The following CDH8 variants were observed in gnomAD, a reference collection of about 807,000 sequenced individuals.
The protein encoded by CDH8 is cadherin-8.
Under a neutral mutation model 68.1 loss-of-function variants are expected in CDH8, and 17 were observed. The observed-to-expected ratio is 0.25, with a 90% CI of 0.17 to 0.37. The LOEUF is 0.37. Among genes scored for constraint, CDH8 ranks in the 10% least tolerant of loss-of-function variants. The pLI, the probability that CDH8 is intolerant of heterozygous loss-of-function variation, is 1.00. For synonymous variants in CDH8, 372 were observed against 365.1 expected (o/e 1.02, Z -0.21); for missense variants, 763 against 999.3 (o/e 0.76, Z 3.19).
At chr16:61,882,304 C>T (rs1429540099) in intron 3 of CDH8, among the ~76,000 whole-genome samples, 1 of 152,136 alleles carries the variant, frequency 6.6e-6, no homozygotes, top group Non-Finnish European at 1.5e-5. Flanking sequence ...CCTGCTTGCT[C>T]GTTTGAATAT....
chr16:61,808,326 T>C (rs781329305), intron 7 of CDH8, among the ~76,000 whole-genome samples: 3 of 151,614 alleles, frequency 2.0e-5, no homozygotes, highest in South Asian at 2.1e-4. Flanking sequence ...ATCACTGAGA[T>C]CAGAAGAAGA....
chr16:61,836,127 A>G (rs1428631934), intron 4 of CDH8, among the ~76,000 whole-genome samples: 1 of 151,914 alleles, frequency 6.6e-6, no homozygotes, highest in Non-Finnish European at 1.5e-5. Context: ...TCGTGCTTCA[A>G]AGGCCTAGAT....
intron 7 of CDH8, among the ~76,000 whole-genome samples, chr16:61,814,492 A>G (rs533369892): frequency 2.3e-4 from 35 of 152,334 alleles, no homozygotes; most frequent in African/African-American, 8.4e-4. Flanking sequence ...TAGCTTGACA[A>G]TGTGCTCTAA....
intron 10 of CDH8, among the ~76,000 whole-genome samples, chr16:61,699,455 A>G (rs1232828707): frequency 2.0e-5 from 3 of 152,238 alleles, no homozygotes; most frequent in Non-Finnish European, 2.9e-5. Context: ...AATATAATCC[A>G]AATGATGGCT....
At chr16:61,854,497 A>C (rs1043369405) in intron 4 of CDH8, among the ~76,000 whole-genome samples, 1 of 152,080 alleles carries the variant, frequency 6.6e-6, no homozygotes, top group African/African-American at 2.4e-5. Context: ...GCATTTGATA[A>C]GAGGAACTTC....
intron 7 of CDH8, among the ~76,000 whole-genome samples, chr16:61,794,040 C>G (rs1295542912): frequency 6.6e-6 from 1 of 151,944 alleles, no homozygotes; most frequent in African/African-American, 2.4e-5. Flanking sequence ...TATTAAAATG[C>G]AATATCTAAG....
At chr16:61,720,415 A>G (rs78732471) in intron 9 of CDH8, among the ~76,000 whole-genome samples, 4,827 of 151,072 alleles carry the variant, frequency 0.032, 354 homozygotes, top group East Asian at 0.24. Flanking sequence ...CTTATCCAGT[A>G]TTCTGTAGGT....
At chr16:61,863,231 C>T (rs752024551) in intron 3 of CDH8, among the ~76,000 whole-genome samples, 6 of 152,036 alleles carry the variant, frequency 3.9e-5, no homozygotes, top group Non-Finnish European at 8.8e-5. Flanking sequence ...ATGTGCTGCT[C>T]GGATTTTAAT....
intron 2 of CDH8, among the ~76,000 whole-genome samples, chr16:62,018,394 A>G (rs1901993369): frequency 2.0e-5 from 3 of 152,184 alleles, no homozygotes; most frequent in Non-Finnish European, 2.9e-5. Context: ...AGGTGTGCTC[A>G]TAAGTAAGTA....
chr16:61,826,000 T>A (rs1425271171), intron 4 of CDH8, among the ~76,000 whole-genome samples: 1 of 151,894 alleles, frequency 6.6e-6, no homozygotes, highest in East Asian at 1.9e-4. Flanking sequence ...CTGAAGTTTA[T>A]TTTGAAAATC....
intron 2 of CDH8, among the ~76,000 whole-genome samples, chr16:61,924,777 C>T (rs566434255): frequency 6.6e-5 from 10 of 151,980 alleles, no homozygotes; most frequent in African/African-American, 2.4e-4. Context: ...CTATTTTTGG[C>T]CTCTCCTCCT....
intron 8 of CDH8, among the ~76,000 whole-genome samples, chr16:61,765,226 T>C (rs1447000933): frequency 6.6e-6 from 1 of 152,012 alleles, no homozygotes; most frequent in African/African-American, 2.4e-5. Context: ...ATCTCAAACT[T>C]ATCTGAGAAA....
At chr16:61,693,524 C>A (rs938078116) in intron 10 of CDH8, 2 of 151,988 alleles carry the variant, frequency 1.3e-5, no homozygotes, top group African/African-American at 4.8e-5. Context: ...AAGGGTAAAC[C>A]ATTTAAGATG....
intron 2 of CDH8, among the ~76,000 whole-genome samples, chr16:62,018,838 A>G (rs1465926208): frequency 6.6e-6 from 1 of 152,188 alleles, no homozygotes; most frequent in Non-Finnish European, 1.5e-5. Context: ...TCATTCAGAG[A>G]AGCATGAACG....
intron 2 of CDH8, among the ~76,000 whole-genome samples, chr16:62,008,397 G>A (rs1298485507): frequency 6.6e-6 from 1 of 152,144 alleles, no homozygotes; most frequent in Non-Finnish European, 1.5e-5. Context: ...TGGGGAGCTG[G>A]GAGAGTCTCC....
At chr16:61,903,412 C>G (rs1964012231) in intron 2 of CDH8, among the ~76,000 whole-genome samples, 1 of 152,212 alleles carries the variant, frequency 6.6e-6, no homozygotes, top group Non-Finnish European at 1.5e-5. Flanking sequence ...CAAGCTCCGC[C>G]TGCCGGGTTG....
chr16:61,830,541 G>A (rs182973680), intron 4 of CDH8, among the ~76,000 whole-genome samples: 10 of 151,822 alleles, frequency 6.6e-5, no homozygotes, highest in African/African-American at 1.9e-4. Context: ...ATGGTGCTAC[G>A]TTAAATAACA....
intron 2 of CDH8, among the ~76,000 whole-genome samples, chr16:61,916,106 T>C (rs1964234143): frequency 6.6e-6 from 1 of 152,242 alleles, no homozygotes; most frequent in South Asian, 2.1e-4. Context: ...ATTCTGAATA[T>C]AGGAAAAAGC....
At chr16:61,796,591 C>A (rs958721554) in intron 7 of CDH8, among the ~76,000 whole-genome samples, 8 of 152,040 alleles carry the variant, frequency 5.3e-5, no homozygotes, top group African/African-American at 1.7e-4. Context: ...TCCTTGATAA[C>A]TAATATTCAC....
Sources: gnomAD v4.1 joint callset for allele counts (sites outside exome capture counted in the v4.1 genomes callset) on GRCh38, gnomAD v4.1.1 for gene constraint, MANE v1.5 for transcripts, NCBI Gene and HGNC (gene_info 2026-07-23, HGNC 2026-07-21) for gene names.